MGAT5: variants seen among roughly 807,000 people sequenced by gnomAD.
MGAT5 encodes alpha-1,6-mannosylglycoprotein 6-beta-N-acetylglucosaminyltransferase A.
MGAT5 carries 30 observed loss-of-function variants against 94.3 expected under a neutral mutation model. That is an observed-to-expected ratio of 0.32 (90% CI 0.24 to 0.43). The LOEUF is 0.43. Ranked by LOEUF, MGAT5 falls within the 20% of genes least tolerant of loss-of-function variation. The pLI, the probability that MGAT5 is intolerant of heterozygous loss-of-function variation, is 1.00. For synonymous variants in MGAT5, 310 were observed against 322.9 expected (o/e 0.96, Z 0.43); for missense variants, 691 against 905.5 (o/e 0.76, Z 3.04).
At chr2:134,391,555 A>G (rs1682412192) in intron 10 of MGAT5, among the ~76,000 whole-genome samples, 1 of 152,204 alleles carries the variant, frequency 6.6e-6, no homozygotes, top group East Asian at 1.9e-4. Flanking sequence ...TGGTGGAAAG[A>G]GTGACCTAGA....
intron 2 of MGAT5, among the ~76,000 whole-genome samples, chr2:134,308,526 G>C (rs1422168020): frequency 1.3e-5 from 2 of 152,154 alleles, no homozygotes; most frequent in Non-Finnish European, 2.9e-5. Context: ...TGGTGAGCAA[G>C]TTTTGGGTTC....
intron 1 of MGAT5, among the ~76,000 whole-genome samples, chr2:134,126,885 C>CT (rs112394718): frequency 9.7e-4 from 140 of 144,444 alleles, no homozygotes; most frequent in African/African-American, 1.8e-3. Flanking sequence ...CTTGCAGCTG[C>CT]TTTTTTTTTT....
At chr2:134,139,292 A>G (rs746921031) in intron 1 of MGAT5, among the ~76,000 whole-genome samples, 13 of 152,272 alleles carry the variant, frequency 8.5e-5, no homozygotes, top group Non-Finnish European at 1.9e-4. Flanking sequence ...AAACATCTTC[A>G]TAGCCTGTGG....
At chr2:134,385,848 ATTGAAAGGAAGATCGATTTAGCAG>A (rs1681938392) in intron 10 of MGAT5, among the ~76,000 whole-genome samples, 1 of 152,218 alleles carries the variant, frequency 6.6e-6, no homozygotes, top group African/African-American at 2.4e-5. Context: ...ATAAATGCTT[ATTGAAAGGAAGATCGATTTAGCAG>A]GGTTTTTTTG....
intron 1 of MGAT5, among the ~76,000 whole-genome samples, chr2:134,143,712 A>G (rs1558954469): frequency 6.6e-6 from 1 of 152,166 alleles, no homozygotes; most frequent in Admixed American, 6.5e-5. Context: ...AATCCTAGTT[A>G]CTGTGTTAGA....
At chr2:134,429,362 C>G (rs990749991) in intron 14 of MGAT5, among the ~76,000 whole-genome samples, 21 of 152,232 alleles carry the variant, frequency 1.4e-4, no homozygotes, top group African/African-American at 4.6e-4. Context: ...TGGTCATATA[C>G]TTCGGGGTGG....
chr2:134,344,838 G>C, intron 7 of MGAT5, 92 bp from the exon 8 acceptor site: 4 of 1,461,390 alleles, frequency 2.7e-6, no homozygotes, highest in Non-Finnish European at 2.8e-6. Context: ...GATTTTTGGG[G>C]TGGCATTTGC....
At chr2:134,310,584 AGTCT>A (rs1686590174) in intron 2 of MGAT5, among the ~76,000 whole-genome samples, 1 of 152,304 alleles carries the variant, frequency 6.6e-6, no homozygotes, top group South Asian at 2.1e-4. Context: ...TCCATGAGTG[AGTCT>A]TGCCTGTTTC....
intron 10 of MGAT5, among the ~76,000 whole-genome samples, chr2:134,363,859 C>A (rs1680254775): frequency 6.6e-6 from 1 of 152,146 alleles, no homozygotes; most frequent in Non-Finnish European, 1.5e-5. Flanking sequence ...AGTGCATTTT[C>A]CAGCTGACTT....
chr2:134,321,078 A>G (rs1482544777), intron 4 of MGAT5, among the ~76,000 whole-genome samples: 4 of 152,142 alleles, frequency 2.6e-5, no homozygotes, highest in Admixed American at 6.5e-5. Flanking sequence ...TAGCATTTAT[A>G]TGAGTTTCTG....
At chr2:134,295,640 C>T (rs146753394) in intron 2 of MGAT5, among the ~76,000 whole-genome samples, 53 of 152,280 alleles carry the variant, frequency 3.5e-4, no homozygotes, top group African/African-American at 1.3e-3. Context: ...GCTTGTGGCT[C>T]TTCTGTGCTG....
rs1372593717 is a variant in MGAT5, at chr2:134,240,561, TA to T, written c.-142-13693del. On this transcript the variant is annotated intron_variant, in intron 1 of 16. Transcript: ENST00000409645. ...TGGACCATTATATGTTACATTATAA[TA>T]AAAAAAATTTATGTTCTTAATGGAG... is the stretch of plus-strand genomic sequence containing the variant. Among the ~76,000 whole-genome samples, 11 of 152,090 alleles carry T rather than the reference TA, an allele frequency of 7.2e-5. No homozygotes were observed. The South Asian group carries it at 1.0e-3, about 14-fold the overall frequency.
At chr2:134,160,861 C>G (rs530929947) in intron 1 of MGAT5, among the ~76,000 whole-genome samples, 1 of 152,364 alleles carries the variant, frequency 6.6e-6, no homozygotes, top group African/African-American at 2.4e-5. Context: ...TCGGAAGCAT[C>G]TGGCTGGCTA....
intron 1 of MGAT5, among the ~76,000 whole-genome samples, chr2:134,146,188 A>G (rs756201675): frequency 3.3e-5 from 5 of 152,178 alleles, no homozygotes; most frequent in Non-Finnish European, 7.3e-5. Flanking sequence ...TTTAAGAAAT[A>G]ATGCCATTGT....
intron 11 of MGAT5, among the ~76,000 whole-genome samples, chr2:134,407,402 C>G (rs573750630): frequency 6.6e-6 from 1 of 152,070 alleles, no homozygotes; most frequent in African/African-American, 2.4e-5. Context: ...CTTCCCTCCC[C>G]CTTATCTACA....
chr2:134,156,776 C>T (rs149295794), intron 1 of MGAT5, among the ~76,000 whole-genome samples: 519 of 152,270 alleles, frequency 3.4e-3, no homozygotes, highest in Non-Finnish European at 5.7e-3. Flanking sequence ...CACGACATTC[C>T]TCATGGGTTT....
chr2:134,449,043 G>GTA lies in MGAT5; in HGVS notation c.*198_*199dup, dbSNP rs1685956199. ...GTCTTCACCAAAACAAAACAAGAGC[G>GTA]TATGTCAGGCCAGGAGCCTGGCTTG... On this transcript the variant is annotated 3_prime_UTR_variant, in exon 16 of 16. Transcript: ENST00000281923. 2 of 598,686 alleles carry GTA rather than the reference G, an allele frequency of 3.3e-6. No individual in the cohort carries two copies. The highest frequency in any genetic ancestry group is 5.9e-6 in the Non-Finnish European group (2 of 338,406). 37.1% of individuals were successfully genotyped at this position (598,686 alleles called of 1,614,324 possible).
intron 10 of MGAT5, among the ~76,000 whole-genome samples, chr2:134,389,676 A>C (rs903844272): frequency 6.6e-6 from 1 of 152,200 alleles, no homozygotes; most frequent in Non-Finnish European, 1.5e-5. Context: ...TTTGGAATCA[A>C]AACTAATACA....
At chr2:134,174,420 C>T (rs907100029) in intron 1 of MGAT5, among the ~76,000 whole-genome samples, 3 of 152,274 alleles carry the variant, frequency 2.0e-5, no homozygotes, top group African/African-American at 7.2e-5. Flanking sequence ...GCTTCACTCA[C>T]CTCTATGCCA....
Sources: gnomAD v4.1 joint callset for allele counts (sites outside exome capture counted in the v4.1 genomes callset) on GRCh38, gnomAD v4.1.1 for gene constraint, MANE v1.5 for transcripts, NCBI Gene and HGNC (gene_info 2026-07-23, HGNC 2026-07-21) for gene names.